Variants in MGMT observed in about 807,000 individuals in gnomAD.
MGMT encodes methylated-DNA--protein-cysteine methyltransferase.
MGMT carries 14 observed loss-of-function variants against 15.9 expected under a neutral mutation model. The ratio of observed to expected loss-of-function variants is 0.88; its 90% CI spans 0.58 to 1.37. The LOEUF is 1.37. MGMT is among the 40% of genes most tolerant of loss of function. The pLI is 0.00. For synonymous variants in MGMT, 130 were observed against 118.2 expected (o/e 1.10, Z -0.65); for missense variants, 282 against 268.1 (o/e 1.05, Z -0.36).
rs1486706976 is a variant in MGMT at position 129,532,761 on chromosome 10, G to T, written c.-12-3480G>T. Among the ~76,000 whole-genome samples, 3 of 152,168 alleles carry T rather than the reference G, an allele frequency of 2.0e-5. No homozygotes were observed. The highest frequency in any genetic ancestry group is 7.2e-5 in the African/African-American group (3 of 41,442). ...AAAGCCCTGGCCGTGGCCATCTCAG[G>T]TTAGACCCTCAGAGTGGCACTGTCA... On this transcript the variant is annotated intron_variant, in intron 1 of 4. Transcript: ENST00000651593. The surrounding 1 kb of genome is among the most constrained non-coding windows in gnomAD (Gnocchi z 5.3).
intron 2 of MGMT, among the ~76,000 whole-genome samples, chr10:129,554,504 T>C (rs540689411): frequency 6.6e-6 from 1 of 152,324 alleles, no homozygotes; most frequent in South Asian, 2.1e-4. Flanking sequence ...TTTAACTGTC[T>C]ATGTCCTGGT....
At chr10:129,534,464 A>C (rs1371332425) in intron 1 of MGMT, among the ~76,000 whole-genome samples, 2 of 151,986 alleles carry the variant, frequency 1.3e-5, no homozygotes, top group East Asian at 3.9e-4. Context: ...GCGGCTCTGG[A>C]GTGTGACAGT....
chr10:129,761,089 A>G (rs376546304), intron 4 of MGMT, among the ~76,000 whole-genome samples: 7 of 152,124 alleles, frequency 4.6e-5, no homozygotes, highest in Non-Finnish European at 8.8e-5. Flanking sequence ...TTGTGAGTCA[A>G]TTTTGAGGTG....
At chr10:129,574,027 G>A (rs1040400158) in intron 2 of MGMT, among the ~76,000 whole-genome samples, 5 of 152,138 alleles carry the variant, frequency 3.3e-5, no homozygotes, top group African/African-American at 9.7e-5. Context: ...CATGTCCCCC[G>A]ACCCAACGAC....
At chr10:129,528,042 T>C (rs1342699291) in intron 1 of MGMT, among the ~76,000 whole-genome samples, 1 of 152,136 alleles carries the variant, frequency 6.6e-6, no homozygotes, top group Admixed American at 6.5e-5. Flanking sequence ...AACCCCTTGA[T>C]ACAGGCTCTC....
chr10:129,531,614 A>G (rs1302805385), intron 1 of MGMT, among the ~76,000 whole-genome samples: 1 of 152,084 alleles, frequency 6.6e-6, no homozygotes, highest in Non-Finnish European at 1.5e-5. Context: ...CAGCCATTGC[A>G]TTTTAGGAAT....
intron 1 of MGMT, among the ~76,000 whole-genome samples, chr10:129,480,342 GCTCT>G (rs1382042395): frequency 6.6e-6 from 1 of 152,168 alleles, no homozygotes; most frequent in African/African-American, 2.4e-5. Context: ...TGAACTTTTT[GCTCT>G]CTATGACGTT....
intron 2 of MGMT, among the ~76,000 whole-genome samples, chr10:129,540,681 T>C (rs866945910): frequency 5.9e-5 from 9 of 152,270 alleles, no homozygotes; most frequent in African/African-American, 1.9e-4. Context: ...GTTTTGGAAT[T>C]AGTCTCATTC....
rs1301211456 is a variant in MGMT at position 129,707,983 on chromosome 10, C to T, written c.214C>T (p.Gln72Ter). Reference protein sequence around the residue: ...CTAWLNAYFHQPEAIEEFPVP... With the variant: ...CTAWLNAYFH ...AGCCTGGCTGAATGCCTATTTCCACCAGCCCGAGGCTATCGAAGAGTTCCC... is the reference window on the plus strand; with the variant it reads ...AGCCTGGCTGAATGCCTATTTCCACTAGCCCGAGGCTATCGAAGAGTTCCC... Residue 72 changes from glutamine (Q) to a stop codon, truncating the protein, a stop_gained, in exon 3 of 5, where the codon CAG becomes TAG. Coordinates refer to ENST00000651593, the MANE Select transcript of MGMT (RefSeq NM_002412.5). LOFTEE classifies it high-confidence loss of function. 1 of 1,613,690 alleles carries T rather than the reference C, an allele frequency of 6.2e-7. No homozygotes were observed. Among genetic ancestry groups the T allele is most frequent in the African/African-American group, 1.3e-5 (1 of 74,902 alleles).
intron 2 of MGMT, among the ~76,000 whole-genome samples, chr10:129,672,787 A>C (rs998828222): frequency 6.6e-6 from 1 of 152,026 alleles, no homozygotes; most frequent in African/African-American, 2.4e-5. Flanking sequence ...AATCCCTGTG[A>C]TCTATTTTTT....
intron 3 of MGMT, among the ~76,000 whole-genome samples, chr10:129,748,164 T>C (rs1010049166): frequency 4.6e-5 from 7 of 152,214 alleles, no homozygotes; most frequent in African/African-American, 1.7e-4. Flanking sequence ...AGACAGAGTA[T>C]CTACATAAGT....
intron 2 of MGMT, among the ~76,000 whole-genome samples, chr10:129,547,535 TC>T (rs1846110545): frequency 5.3e-5 from 8 of 151,668 alleles, no homozygotes; most frequent in African/African-American, 1.9e-4. Flanking sequence ...ATTTCTGGTG[TC>T]CATTGGCAGA....
chr10:129,537,602 G>T (rs533279646), intron 2 of MGMT, among the ~76,000 whole-genome samples: 1 of 151,780 alleles, frequency 6.6e-6, no homozygotes, highest in Non-Finnish European at 1.5e-5. Flanking sequence ...AAGTGAATTT[G>T]GGGAAGAAAA....
At chr10:129,583,934 G>A (rs1846587906) in intron 2 of MGMT, among the ~76,000 whole-genome samples, 1 of 152,178 alleles carries the variant, frequency 6.6e-6, no homozygotes, top group Non-Finnish European at 1.5e-5. Context: ...ACAAGAAAGT[G>A]AGGCAGGACG....
chr10:129,577,719 C>T (rs891380950), intron 2 of MGMT, among the ~76,000 whole-genome samples: 2 of 152,084 alleles, frequency 1.3e-5, no homozygotes, highest in Non-Finnish European at 2.9e-5. Flanking sequence ...TTCTGCACAG[C>T]AAAAGAAACC....
intron 2 of MGMT, among the ~76,000 whole-genome samples, chr10:129,684,099 A>T (rs1317988514): frequency 6.6e-6 from 1 of 152,232 alleles, no homozygotes; most frequent in East Asian, 1.9e-4. Context: ...AATTCAGTCT[A>T]CATACAATTA....
intron 1 of MGMT, among the ~76,000 whole-genome samples, chr10:129,506,058 T>G (rs573556977): frequency 1.5e-4 from 22 of 150,146 alleles, no homozygotes; most frequent in South Asian, 1.1e-3. Flanking sequence ...GGTTTTCAAC[T>G]GGGGGCAGTT....
intron 2 of MGMT, among the ~76,000 whole-genome samples, chr10:129,645,800 C>T (rs780768094): frequency 2.6e-5 from 4 of 152,156 alleles, no homozygotes; most frequent in Non-Finnish European, 4.4e-5. Context: ...GACTTTATGG[C>T]GTGATGTCTA....
chr10:129,515,578 T>C (rs1318496715), intron 1 of MGMT, among the ~76,000 whole-genome samples: 3 of 152,200 alleles, frequency 2.0e-5, no homozygotes, highest in Non-Finnish European at 4.4e-5. Flanking sequence ...ATTGCGGATA[T>C]TTATCCCTTC....
Sources: gnomAD v4.1 joint callset for allele counts (sites outside exome capture counted in the v4.1 genomes callset) on GRCh38, gnomAD v4.1.1 for gene constraint, Gnocchi (gnomAD v3.1) non-coding constraint, MANE v1.5 for transcripts, NCBI Gene and HGNC (gene_info 2026-07-23, HGNC 2026-07-21) for gene names.